TTF2: variants seen among roughly 807,000 people sequenced by gnomAD.
TTF2 encodes RNA polymerase II termination factor.
A neutral mutation model predicts 142.4 loss-of-function variants in TTF2; 108 were observed. That is an observed-to-expected ratio of 0.76 (90% CI 0.65 to 0.89). The LOEUF (loss-of-function observed/expected upper bound fraction) is 0.89. TTF2 is among the 40% of genes least tolerant of loss of function. The pLI is 0.00. For missense variants in TTF2, 1,327 were observed against 1,379.8 expected (o/e 0.96, Z 0.61); for synonymous variants, 483 against 506.2 (o/e 0.95, Z 0.61).
intron 22 of TTF2, 28 bp downstream of exon 22, chr1:117,098,935 C>T: frequency 6.3e-7 from 1 of 1,584,410 alleles, no homozygotes; most frequent in Non-Finnish European, 8.6e-7. Flanking sequence ...GGACCCAGGA[C>T]CCTTCTCAAC....
chr1:117,075,974 G>A lies in TTF2; in HGVS notation c.1275+115G>A. On this transcript the variant is annotated intron_variant, in intron 5 of 22. Coordinates refer to ENST00000369466, the MANE Select transcript of TTF2 (RefSeq NM_003594.4). The surrounding 1 kb of genome is among the most constrained non-coding windows in gnomAD (Gnocchi z 4.5). ...ATGTTCATGTGAAGGTTTTATAGGTGCATGTTCAGTTTCTGCCTTTTCCCC... is the reference window on the plus strand; with the variant it reads ...ATGTTCATGTGAAGGTTTTATAGGTACATGTTCAGTTTCTGCCTTTTCCCC... 7.0e-7 allele frequency: 1 copy of A among 1,428,900 alleles called. No individual in the cohort carries two copies. Among genetic ancestry groups the A allele is most frequent in the Non-Finnish European group, 9.3e-7 (1 of 1,073,906 alleles). The allele number at this position is 1,428,900 out of a possible 1,614,324, so 88.5% of individuals were successfully genotyped here. A position where few individuals can be genotyped will look rare whatever the true frequency, so the allele number is the denominator to read the frequency against.
In TTF2 at chr1:117,086,519, G is replaced by C. The variant is rs746369891; in HGVS notation, c.2157G>C (p.Val719=). 1.2e-6 allele frequency: 2 copies of C among 1,613,034 alleles called. No homozygotes were observed. The highest frequency in any genetic ancestry group is 2.2e-5 in the South Asian group (2 of 91,018). The change falls in exon 12 of 23, where the codon GTG becomes GTC. Residue 719 remains valine (V), a synonymous_variant. Coordinates refer to ENST00000369466, the MANE Select transcript of TTF2 (RefSeq NM_003594.4). The surrounding 1 kb of genome is among the most constrained non-coding windows in gnomAD (Gnocchi z 4.2). The part of the protein sequence containing the change: ...EAEIPGANLN[V]EGTSTPLLRI... Reference sequence around the variant, plus strand: ...AGATCCCAGGTGCAAACCTCAATGTGGAGGTGAGGCTGGGGGGCAGCCAGG... The same window carrying C: ...AGATCCCAGGTGCAAACCTCAATGTCGAGGTGAGGCTGGGGGGCAGCCAGG...
rs1441012785 is a variant in TTF2, at chr1:117,105,843, T to C, written c.*4319T>C. On this transcript the variant is annotated 3_prime_UTR_variant, in exon 23 of 23. Transcript: ENST00000369466. This position sits in a 1 kb window ranked among gnomAD's most constrained non-coding sequence, Gnocchi z 4.7. ...ATTTCTCTATCAATCCTGTGAGTGA[T>C]TTAGCATGGCAATTCATGAACACTG... The C allele has an allele frequency of 6.6e-6, 1 of 152,212 alleles. No individual in the cohort carries two copies. Among genetic ancestry groups the C allele is most frequent in the African/African-American group, 2.4e-5 (1 of 41,452 alleles). The allele number at this position is 152,212 out of a possible 1,614,324, so 9.4% of individuals were successfully genotyped here.
At chr1:117,060,672 C>T (rs868437353) in intron 2 of TTF2, 115 bp downstream of exon 2, 13 of 1,031,452 alleles carry the variant, frequency 1.3e-5, no homozygotes, top group African/African-American at 1.6e-5. Context: ...CCCTAGTTTG[C>T]GGTGTCAGGA....
In TTF2 at chr1:117,092,503, T is replaced by A. The variant is rs1241210775; in HGVS notation, c.2806-228T>A. Among the ~76,000 whole-genome samples the A allele has an allele frequency of 3.3e-5, 5 of 152,250 alleles. No individual in the cohort carries two copies. Among genetic ancestry groups the A allele is most frequent in the Non-Finnish European group, 5.9e-5 (4 of 68,044 alleles). ...TAGCTTGGAAAAAATAGAATGATTA[T>A]GTCATCTGCCTGGCAAGTCTTTAAA... On this transcript the variant is annotated intron_variant, in intron 17 of 22. Transcript: ENST00000369466. This position sits in a 1 kb window ranked among gnomAD's most constrained non-coding sequence, Gnocchi z 4.4.
Position 117,074,998 on chromosome 1 carries a change from G to A in TTF2, c.414G>A (p.Trp138Ter). The change falls in exon 5 of 23, where the codon TGG becomes TGA. Residue 138 changes from tryptophan to a stop codon, truncating the protein, a stop_gained. Coordinates refer to ENST00000369466, the MANE Select transcript of TTF2 (RefSeq NM_003594.4). LOFTEE classifies it high-confidence loss of function. Reference protein sequence around the residue: ...VLDKNQEPALWKQLIKGEGEE... With the variant: ...VLDKNQEPAL The stretch of plus-strand genomic sequence containing the variant: ...ACAAGAATCAAGAACCAGCTCTCTG[G>A]AAACAGCTCATCAAAGGTGAAGGTG... 6.2e-7 allele frequency: 1 copy of A among 1,613,938 alleles called. No homozygotes were observed. The highest frequency in any genetic ancestry group is 8.5e-7 in the Non-Finnish European group (1 of 1,180,016).
rs1426702334 is a variant in TTF2, at chr1:117,087,036, C to CAGTTATGTGAT, written c.2160+515_2160+525dup. On this transcript the variant is annotated intron_variant, in intron 12 of 22. Transcript: ENST00000369466. The surrounding 1 kb of genome is among the most constrained non-coding windows in gnomAD (Gnocchi z 4.8). ...TCTTCTAGGGTGTCCAGGGCAGCCT[C>CAGTTATGTGAT]AGTTATGTGATGTAGAGGCTTTATC... Among the ~76,000 whole-genome samples, 1 of 152,068 alleles carries CAGTTATGTGAT rather than the reference C, an allele frequency of 6.6e-6. No individual in the cohort carries two copies. Among genetic ancestry groups the CAGTTATGTGAT allele is most frequent in the Non-Finnish European group, 1.5e-5 (1 of 68,024 alleles).
At position 117,100,365 on chromosome 1, in the gene TTF2, A is replaced by G. The variant is rs1235996137; in HGVS notation, c.3345-1015A>G. Among the ~76,000 whole-genome samples the G allele has an allele frequency of 2.6e-5, 4 of 152,148 alleles. No individual in the cohort carries two copies. The highest frequency in any genetic ancestry group is 2.9e-5 in the Non-Finnish European group (2 of 68,032). ...TTTCTTCCTTCCCATGCCCACTGCC[A>G]GGTCCCCCCTTCCCACTCTGCTGAA... is the stretch of plus-strand genomic sequence containing the variant. On this transcript the variant is annotated intron_variant, in intron 22 of 22. Coordinates refer to ENST00000369466, the MANE Select transcript of TTF2 (RefSeq NM_003594.4). This position sits in a 1 kb window ranked among gnomAD's most constrained non-coding sequence, Gnocchi z 4.6.
rs1328785173 is a variant in TTF2 at position 117,085,552 on chromosome 1, CTAT to C, written c.2055-858_2055-856del. Among the ~76,000 whole-genome samples the C allele has an allele frequency of 2.0e-5, 3 of 152,084 alleles. No homozygotes were observed. The highest frequency in any genetic ancestry group is 7.2e-5 in the African/African-American group (3 of 41,400). On this transcript the variant is annotated intron_variant, in intron 11 of 22. Coordinates refer to ENST00000369466, the MANE Select transcript of TTF2 (RefSeq NM_003594.4). This position sits in a 1 kb window ranked among gnomAD's most constrained non-coding sequence, Gnocchi z 4.7. ...TGGATGACCAGGGTAGGTTACTCAC[CTAT>C]TATTATCATTTCTGATGCTGAGTAT...
intron 3 of TTF2, among the ~76,000 whole-genome samples, chr1:117,072,973 G>GTT (rs766315098): frequency 7.3e-5 from 11 of 151,430 alleles, no homozygotes; most frequent in African/African-American, 2.4e-4. Context: ...AAATGTCATA[G>GTT]TTTTTTTTTA....
In TTF2 at chr1:117,087,709, A is replaced by G. The variant is rs1376001197; in HGVS notation, c.2161-1092A>G. 2.0e-5 allele frequency among the ~76,000 whole-genome samples: 3 copies of G among 152,100 alleles called. No individual in the cohort carries two copies. Among genetic ancestry groups the G allele is most frequent in the African/African-American group, 7.2e-5 (3 of 41,404 alleles). On this transcript the variant is annotated intron_variant, in intron 12 of 22. Coordinates refer to ENST00000369466, the MANE Select transcript of TTF2 (RefSeq NM_003594.4). The surrounding 1 kb of genome is among the most constrained non-coding windows in gnomAD (Gnocchi z 4.8). ...TACCAAGGGATCTGTAGTTCCCACC[A>G]TGCTCTGTCACAGTGTTGTGTCTGT...
chr1:117,075,641 G>A lies in TTF2; in HGVS notation c.1057G>A (p.Asp353Asn), dbSNP rs146799971. 3.3e-5 allele frequency: 54 copies of A among 1,614,152 alleles called. No individual in the cohort carries two copies. In the African/African-American group the frequency reaches 4.0e-4, roughly 12 times the overall value. ...EGREAATSSD[D>N]EEEDDVVFVS... ...CCGTGAAGCTGCCACAAGCAGTGACGACGAGGAGGAAGATGATGTTGTTTT... is the reference window on the plus strand; with the variant it reads ...CCGTGAAGCTGCCACAAGCAGTGACAACGAGGAGGAAGATGATGTTGTTTT... The change falls in exon 5 of 23, where the codon GAC becomes AAC. Residue 353 changes from aspartate (D) to asparagine (N), a missense_variant. Coordinates refer to ENST00000369466, the MANE Select transcript of TTF2 (RefSeq NM_003594.4). The surrounding 1 kb of genome is among the most constrained non-coding windows in gnomAD (Gnocchi z 4.5).
At chr1:117,082,234 GAC>G (rs1217004781) in intron 10 of TTF2, among the ~76,000 whole-genome samples, 2 of 108,926 alleles carry the variant, frequency 1.8e-5, no homozygotes, top group East Asian at 8.8e-4. Context: ...TATTTTTTGA[GAC>G]AGGGTCTCGC....
chr1:117,104,713 A>G lies in TTF2; in HGVS notation c.*3189A>G, dbSNP rs947770579. ...GGAATATACTAAACATGCATTCTTA[A>G]ATCCTAGTGCTGGGATGGATTACAT... On this transcript the variant is annotated 3_prime_UTR_variant, in exon 23 of 23. Transcript: ENST00000369466. 6.6e-6 allele frequency: 1 copy of G among 152,164 alleles called. No homozygotes were observed. The highest frequency in any genetic ancestry group is 2.4e-5 in the African/African-American group (1 of 41,446). 9.4% of individuals were successfully genotyped at this position (152,164 alleles called of 1,614,324 possible).
chr1:117,094,598 G>A (rs373432899), intron 18 of TTF2: 5 of 472,486 alleles, frequency 1.1e-5, no homozygotes, highest in Non-Finnish European at 1.8e-5. Context: ...ATTTGGAGCA[G>A]GCCATAAAGT....
rs147499220 is a variant in TTF2, at chr1:117,102,789, A to G, written c.*1265A>G. On this transcript the variant is annotated 3_prime_UTR_variant, in exon 23 of 23. Transcript: ENST00000369466. Reference sequence around the variant, plus strand: ...GGTACAATCCAATACTAATAATACTATTGGTACAATCCAATACTAATAATA... The same window carrying G: ...GGTACAATCCAATACTAATAATACTGTTGGTACAATCCAATACTAATAATA... 2.3e-3 allele frequency: 344 copies of G among 152,370 alleles called. 2 individuals carry two copies. The highest frequency in any genetic ancestry group is 7.8e-3 in the African/African-American group (323 of 41,580). 9.4% of individuals were successfully genotyped at this position (152,370 alleles called of 1,614,324 possible).
rs1322300478 is a variant in TTF2 at position 117,095,905 on chromosome 1, T to C, written c.3036-244T>C. 2.6e-5 allele frequency among the ~76,000 whole-genome samples: 4 copies of C among 152,148 alleles called. No homozygotes were observed. In the East Asian group the frequency reaches 7.7e-4, roughly 29 times the overall value. On this transcript the variant is annotated intron_variant, in intron 19 of 22. Transcript: ENST00000369466. ...GAAGGCTGGAGTCATCACTTTACTC[T>C]AGCTACCATTTTTTTCTGACTTCAT...
rs140969249 is a variant in TTF2 at position 117,065,418 on chromosome 1, G to T, written c.218+2945G>T. The stretch of plus-strand genomic sequence containing the variant: ...TCGAGACCATCATGGCTAACAAGGT[G>T]AAACCCCATCTCTACTAAAAATACT... On this transcript the variant is annotated intron_variant, in intron 3 of 22. Coordinates refer to ENST00000369466, the MANE Select transcript of TTF2 (RefSeq NM_003594.4). 6.7e-3 allele frequency among the ~76,000 whole-genome samples: 1,021 copies of T among 152,296 alleles called. 5 individuals are homozygous for T. Among genetic ancestry groups the T allele is most frequent in the Non-Finnish European group, 0.011 (775 of 68,012 alleles).
intron 4 of TTF2, among the ~76,000 whole-genome samples, chr1:117,074,532 T>A (rs1382346016): frequency 6.6e-6 from 1 of 152,136 alleles, no homozygotes; most frequent in East Asian, 1.9e-4. Flanking sequence ...GGACTGCTTT[T>A]ACTGTGTTTC....
Sources: allele counts gnomAD v4.1 joint callset (sites outside exome capture counted in the v4.1 genomes callset), GRCh38; gene constraint gnomAD v4.1.1; non-coding constraint Gnocchi (gnomAD v3.1); transcripts MANE v1.5; gene names NCBI Gene and HGNC (gene_info 2026-07-23, HGNC 2026-07-21).